Variants in CNGA3 observed in about 807,000 individuals in gnomAD.
The protein encoded by CNGA3 is cyclic nucleotide-gated channel alpha-3.
In CNGA3, 42 loss-of-function variants were observed where a neutral mutation model predicts 46.6. The observed-to-expected ratio is 0.90, with a 90% CI of 0.70 to 1.17. The LOEUF is 1.17. Among genes scored for constraint, CNGA3 ranks in the 50% most tolerant of loss-of-function variants. CNGA3 has a pLI of 0.00. For missense variants in CNGA3, 893 were observed against 890.7 expected, an observed-to-expected ratio of 1.00 and a Z score of -0.03; for synonymous variants, 394 against 369.4, an observed-to-expected ratio of 1.07 and a Z score of -0.76.
Position 98,380,256 on chromosome 2 carries a change from T to G in CNGA3, c.297T>G (p.Pro99=). 6.2e-7 allele frequency: 1 copy of G among 1,614,198 alleles called. No homozygotes were observed. Among genetic ancestry groups the G allele is most frequent in the Non-Finnish European group, 8.5e-7 (1 of 1,180,028 alleles). The change falls in exon 4 of 8, where the codon CCT becomes CCG. Residue 99 remains proline (P), a synonymous_variant. Coordinates refer to ENST00000272602, the MANE Select transcript of CNGA3 (RefSeq NM_001298.3). ...AGGACCAGGGACCGGACTCTTTTCC[T>G]GATCGTTTCCGTGGAGCCGAGCTTA... ...HHQDQGPDSF[P]DRFRGAELKE...
intron 2 of CNGA3, 92 bp from the exon 3 acceptor site, chr2:98,377,595 A>T: frequency 7.9e-7 from 1 of 1,273,386 alleles, no homozygotes; most frequent in Non-Finnish European, 1.1e-6. Context: ...TTTCCCTGCT[A>T]AGCAGAACAT....
At chr2:98,371,034 A>G (rs1254449708) in intron 2 of CNGA3, among the ~76,000 whole-genome samples, 2 of 152,114 alleles carry the variant, frequency 1.3e-5, no homozygotes, top group Non-Finnish European at 2.9e-5. Context: ...CATGTTGGCC[A>G]TGTTGGTCTC....
At chr2:98,378,203 T>A (rs2104199674) in intron 3 of CNGA3, 1 of 1,549,554 alleles carries the variant, frequency 6.5e-7, no homozygotes, top group East Asian at 2.4e-5. Context: ...TCCCGGGTGC[T>A]CGTCTGGACC....
At chr2:98,361,704 C>CTTTTT (rs1230449113) in intron 1 of CNGA3, among the ~76,000 whole-genome samples, 1 of 108,890 alleles carries the variant, frequency 9.2e-6, no homozygotes, top group Admixed American at 1.0e-4. Flanking sequence ...CTTTTCTTGA[C>CTTTTT]TTTTTTTTTT....
At chr2:98,366,504 C>A (rs897028250) in intron 1 of CNGA3, among the ~76,000 whole-genome samples, 3 of 152,222 alleles carry the variant, frequency 2.0e-5, no homozygotes, top group East Asian at 1.9e-4. Flanking sequence ...GGGGAGAGAC[C>A]AAGTCCACTA....
chr2:98,373,586 G>A (rs2104185749), intron 2 of CNGA3, among the ~76,000 whole-genome samples: 1 of 152,296 alleles, frequency 6.6e-6, no homozygotes, highest in South Asian at 2.1e-4. Context: ...ATAGTGGAAA[G>A]TCATAGGGAA....
intron 1 of CNGA3, among the ~76,000 whole-genome samples, chr2:98,349,129 G>T (rs1691714546): frequency 6.6e-6 from 1 of 152,072 alleles, no homozygotes. Context: ...TGATTTTTTG[G>T]GGAGTCCTGC....
intron 7 of CNGA3, among the ~76,000 whole-genome samples, chr2:98,392,671 G>A (rs1386668319): frequency 1.3e-5 from 2 of 152,128 alleles, no homozygotes; most frequent in African/African-American, 4.8e-5. Flanking sequence ...TCGACACTGG[G>A]GTAAGCAGGA....
At chr2:98,395,752 T>G in intron 7 of CNGA3, 92 bp from the exon 8 acceptor site, 1 of 999,650 alleles carries the variant, frequency 1.0e-6, no homozygotes, top group Non-Finnish European at 1.6e-6. Flanking sequence ...CACTGCATAC[T>G]GTGTAGCCGT....
chr2:98,379,558 G>A (rs1456127851), intron 3 of CNGA3, among the ~76,000 whole-genome samples: 6 of 152,164 alleles, frequency 3.9e-5, no homozygotes, highest in Admixed American at 6.5e-5. Flanking sequence ...AGGCAGGGCC[G>A]GGCTCCGGGA....
At chr2:98,378,073 G>C in intron 3 of CNGA3, 1 of 1,550,714 alleles carries the variant, frequency 6.4e-7, no homozygotes, top group Non-Finnish European at 8.7e-7. Flanking sequence ...GAAGAATTCA[G>C]AAAAAAAGCC....
At position 98,369,943 on chromosome 2, in the gene CNGA3, C is replaced by A; in HGVS notation, c.-33C>A. 1 of 1,564,760 alleles carries A rather than the reference C, an allele frequency of 6.4e-7. No homozygotes were observed. Among genetic ancestry groups the A allele is most frequent in the Non-Finnish European group, 8.8e-7 (1 of 1,137,094 alleles). On this transcript the variant is annotated 5_prime_UTR_variant, in exon 2 of 8. Coordinates refer to ENST00000272602, the MANE Select transcript of CNGA3 (RefSeq NM_001298.3). Reference sequence around the variant, plus strand: ...TGCTTTGTGTTCACATTTTAGCAATCATCTGGGGGGCTAAATGTGACAAAC... The same window carrying A: ...TGCTTTGTGTTCACATTTTAGCAATAATCTGGGGGGCTAAATGTGACAAAC...
At chr2:98,361,510 T>A (rs117048022) in intron 1 of CNGA3, among the ~76,000 whole-genome samples, 4,858 of 152,256 alleles carry the variant, frequency 0.032, 420 homozygotes, top group Admixed American at 0.18. Flanking sequence ...TGTATCTTTA[T>A]AATAGAATAA....
At chr2:98,363,776 C>G (rs55869498) in intron 1 of CNGA3, among the ~76,000 whole-genome samples, 29,151 of 152,034 alleles carry the variant, frequency 0.19, 3,191 homozygotes, top group Non-Finnish European at 0.26. Flanking sequence ...CTGTTGTTTT[C>G]GGGTAGAGAG....
intron 6 of CNGA3, among the ~76,000 whole-genome samples, chr2:98,390,415 C>T (rs1392087049): frequency 1.3e-5 from 2 of 152,050 alleles, no homozygotes; most frequent in Admixed American, 6.5e-5. Context: ...TCCCAAAGTG[C>T]TGGGATTCCA....
chr2:98,384,357 C>A, intron 5 of CNGA3, among the ~76,000 whole-genome samples: 1 of 152,116 alleles, frequency 6.6e-6, no homozygotes, highest in East Asian at 1.9e-4. Context: ...GACAGCGTGG[C>A]ACTATTCAGG....
chr2:98,349,996 A>G (rs919712153), intron 1 of CNGA3, among the ~76,000 whole-genome samples: 1 of 152,208 alleles, frequency 6.6e-6, no homozygotes, highest in African/African-American at 2.4e-5. Context: ...GTTTTGCTCC[A>G]AGGAAAACTC....
rs376314718 is a variant in CNGA3, at chr2:98,360,132, G to C, written c.-37-9807G>C. On this transcript the variant is annotated intron_variant, in intron 1 of 7. Coordinates refer to ENST00000272602, the MANE Select transcript of CNGA3 (RefSeq NM_001298.3). ...TCAGACAGATTTTTAGTCAATCCTG[G>C]CTCCGGCCTTCAGCAGCAACCTTAA... is the stretch of plus-strand genomic sequence containing the variant. Among the ~76,000 whole-genome samples the C allele has an allele frequency of 2.6e-5, 4 of 152,206 alleles. No individual in the cohort carries two copies. The East Asian group carries it at 7.7e-4, about 29-fold the overall frequency.
chr2:98,379,964 G>C, intron 3 of CNGA3: 1 of 615,446 alleles, frequency 1.6e-6, no homozygotes, highest in East Asian at 2.8e-5. Context: ...AGGGTGGAGG[G>C]AGAAGGGGAT....
Sources: gnomAD v4.1 joint callset for allele counts (sites outside exome capture counted in the v4.1 genomes callset) on GRCh38, gnomAD v4.1.1 for gene constraint, MANE v1.5 for transcripts, NCBI Gene and HGNC (gene_info 2026-07-23, HGNC 2026-07-21) for gene names.